The following TRAF5 variants were observed in gnomAD, a reference collection of about 807,000 sequenced individuals.
TRAF5 encodes TNF receptor associated factor 5.
A neutral mutation model predicts 64.5 loss-of-function variants in TRAF5; 48 were observed. That is an observed-to-expected ratio of 0.74 (90% CI 0.59 to 0.95). The LOEUF is 0.95. Ranked by LOEUF, TRAF5 falls within the 40% of genes least tolerant of loss-of-function variation. TRAF5 has a pLI of 0.00. For missense variants in TRAF5, 545 were observed against 662.8 expected (o/e 0.82, Z 1.95); for synonymous variants, 206 against 240.5 (o/e 0.86, Z 1.33).
chr1:211,353,915 G>A (rs1702876388), intron 2 of TRAF5, among the ~76,000 whole-genome samples: 1 of 152,206 alleles, frequency 6.6e-6, no homozygotes, highest in African/African-American at 2.4e-5. Context: ...GGAGAGATGT[G>A]GAAGCAGGTA....
chr1:211,365,294 C>T, intron 7 of TRAF5, 82 bp from the exon 8 acceptor site: 8 of 1,181,648 alleles, frequency 6.8e-6, no homozygotes, highest in Non-Finnish European at 9.7e-6. Context: ...TGTTAAGATT[C>T]TATTTTAGCA....
intron 6 of TRAF5, 39 bp from the exon 7 acceptor site, chr1:211,361,049 G>A: frequency 6.3e-7 from 1 of 1,598,524 alleles, no homozygotes; most frequent in Non-Finnish European, 8.6e-7. Context: ...TGGAGAATAA[G>A]TGATGAATTT....
rs1703613479 is a variant in TRAF5, at chr1:211,373,851, G to C, written c.*1149G>C. 6.6e-6 allele frequency: 1 copy of C among 152,250 alleles called. No homozygotes were observed. The highest frequency in any genetic ancestry group is 2.1e-4 in the South Asian group (1 of 4,830). The allele number at this position is 152,250 out of a possible 1,614,324, so 9.4% of individuals were successfully genotyped here. Reference sequence around the variant, plus strand: ...GAATTCAAGTGATTCTCCTGCCTCAGCCTCCTGAGTAGCTGGGATTACAGG... The same window carrying C: ...GAATTCAAGTGATTCTCCTGCCTCACCCTCCTGAGTAGCTGGGATTACAGG... On this transcript the variant is annotated 3_prime_UTR_variant, in exon 11 of 11. Coordinates refer to ENST00000261464, the MANE Select transcript of TRAF5 (RefSeq NM_001033910.3).
Position 211,359,969 on chromosome 1 carries a change from G to A in TRAF5, c.436G>A (p.Glu146Lys). 2.5e-6 allele frequency: 4 copies of A among 1,614,038 alleles called. No homozygotes were observed. The highest frequency in any genetic ancestry group is 3.4e-6 in the Non-Finnish European group (4 of 1,179,932). The change falls in exon 5 of 11, where the codon GAG (glutamate) becomes AAG (lysine). Residue 146 changes from glutamate to lysine, a missense_variant. By Grantham distance (56) the Glu-to-Lys change is moderately conservative (BLOSUM62 1). Coordinates refer to ENST00000261464, the MANE Select transcript of TRAF5 (RefSeq NM_001033910.3). ...PVQCSNEKCR[E>K]PVLRKDLKEH... Reference sequence around the variant, plus strand: ...GCAGTGTTCTAATGAGAAGTGCCGGGAGCCAGTCCTACGGAAAGACCTGAA... The same window carrying A: ...GCAGTGTTCTAATGAGAAGTGCCGGAAGCCAGTCCTACGGAAAGACCTGAA...
intron 4 of TRAF5, chr1:211,357,224 T>A (rs1176822333): frequency 6.6e-6 from 1 of 152,234 alleles, no homozygotes; most frequent in Non-Finnish European, 1.5e-5. Flanking sequence ...CTGCTGAAAT[T>A]TCTCCCGCAC....
At position 211,353,586 on chromosome 1, in the gene TRAF5, G is replaced by A. The variant is rs991848083; in HGVS notation, c.218+129G>A. The A allele has an allele frequency of 1.4e-4, 127 of 892,006 alleles. 1 individual carries two copies. In the South Asian group the frequency reaches 2.0e-3, roughly 14 times the overall value. The allele number at this position is 892,006 out of a possible 1,614,324, so 55.3% of individuals were successfully genotyped here. On this transcript the variant is annotated intron_variant, in intron 2 of 10. Transcript: ENST00000261464. ...GCCACAGAACCATGACTGTAAGGAAGGACTCTCCCAGATCCCCTCTGTGAG... is the reference window on the plus strand; with the variant it reads ...GCCACAGAACCATGACTGTAAGGAAAGACTCTCCCAGATCCCCTCTGTGAG...
intron 7 of TRAF5, 82 bp downstream of exon 7, chr1:211,361,244 G>C: frequency 8.0e-7 from 1 of 1,248,786 alleles, no homozygotes; most frequent in Non-Finnish European, 1.2e-6. Context: ...CTGTTCCATC[G>C]AGGATGGAGA....
At chr1:211,329,410 C>T (rs1248291585) in intron 1 of TRAF5, among the ~76,000 whole-genome samples, 1 of 152,196 alleles carries the variant, frequency 6.6e-6, no homozygotes, top group Admixed American at 6.5e-5. Context: ...AAGCCCATCT[C>T]ATCTGATTAA....
At chr1:211,370,835 A>C (rs1354987585) in intron 9 of TRAF5, among the ~76,000 whole-genome samples, 2 of 152,200 alleles carry the variant, frequency 1.3e-5, no homozygotes, top group Non-Finnish European at 2.9e-5. Flanking sequence ...AGCAGTCAAA[A>C]GTTTAGGCCG....
chr1:211,326,965 C>T lies in TRAF5; in HGVS notation c.-2+76C>T. The T allele has an allele frequency of 1.0e-6, 1 of 963,542 alleles. No individual in the cohort carries two copies. Among genetic ancestry groups the T allele is most frequent in the Non-Finnish European group, 1.2e-6 (1 of 809,930 alleles). The allele number at this position is 963,542 out of a possible 1,614,324, so 59.7% of individuals were successfully genotyped here. On this transcript the variant is annotated intron_variant, in intron 1 of 10. Transcript: ENST00000261464. The surrounding 1 kb of genome is among the most constrained non-coding windows in gnomAD (Gnocchi z 5.0). ...GGTGGGGACACCGACGAGCGCTTTT[C>T]ATCTCGTCCCAGTTACTTTGAAACC...
At chr1:211,370,388 C>G (rs1217887775) in intron 9 of TRAF5, among the ~76,000 whole-genome samples, 2 of 151,328 alleles carry the variant, frequency 1.3e-5, no homozygotes, top group Non-Finnish European at 2.9e-5. Flanking sequence ...AACACACACA[C>G]ACACACACAC....
chr1:211,331,906 A>G (rs1702166877), intron 1 of TRAF5, among the ~76,000 whole-genome samples: 2 of 152,178 alleles, frequency 1.3e-5, no homozygotes, highest in Admixed American at 1.3e-4. Context: ...ACCTCAGGTG[A>G]TCTGCCTGCC....
In TRAF5 at chr1:211,349,162, T is replaced by TA. The variant is rs547533957; in HGVS notation, c.-1-4076dup. 5.3e-5 allele frequency among the ~76,000 whole-genome samples: 8 copies of TA among 152,170 alleles called. No homozygotes were observed. In the East Asian group the frequency reaches 1.5e-3, roughly 29 times the overall value. ...GTTGGAGGTTACAGTGAGCCATGGT[T>TA]ACACCACTGCACTCCAGCCTGGGCT... On this transcript the variant is annotated intron_variant, in intron 1 of 10. Coordinates refer to ENST00000261464, the MANE Select transcript of TRAF5 (RefSeq NM_001033910.3).
chr1:211,344,443 C>T (rs1702532837), intron 1 of TRAF5, among the ~76,000 whole-genome samples: 1 of 152,214 alleles, frequency 6.6e-6, no homozygotes, highest in Non-Finnish European at 1.5e-5. Flanking sequence ...AGCCAGTCAT[C>T]CTGGGGCAAG....
chr1:211,346,175 C>A (rs1306708676), intron 1 of TRAF5, among the ~76,000 whole-genome samples: 1 of 152,314 alleles, frequency 6.6e-6, no homozygotes, highest in East Asian at 1.9e-4. Flanking sequence ...TCAGCACAGA[C>A]ACCTCAGAAA....
Position 211,360,386 on chromosome 1 carries a change from G to A in TRAF5, c.543+310G>A. 12 of 482,834 alleles carry A rather than the reference G, an allele frequency of 2.5e-5. No individual in the cohort carries two copies. In the South Asian group the frequency reaches 3.1e-4, roughly 13 times the overall value. The allele number at this position is 482,834 out of a possible 1,614,324, so 29.9% of individuals were successfully genotyped here. On this transcript the variant is annotated intron_variant, in intron 5 of 10. Coordinates refer to ENST00000261464, the MANE Select transcript of TRAF5 (RefSeq NM_001033910.3). Reference sequence around the variant, plus strand: ...CTGAATTCTGCAGTGTAGCTGGGGAGGCAGGATGCAGGCATAAAAAGAAAG... The same window carrying A: ...CTGAATTCTGCAGTGTAGCTGGGGAAGCAGGATGCAGGCATAAAAAGAAAG...
At chr1:211,356,768 C>A (rs1702982904) in intron 4 of TRAF5, 1 of 236,630 alleles carries the variant, frequency 4.2e-6, no homozygotes, top group Non-Finnish European at 8.3e-6. Flanking sequence ...CTGGACAAAA[C>A]AAACACTCAA....
chr1:211,369,778 C>T (rs1376113765), intron 9 of TRAF5, among the ~76,000 whole-genome samples, 186 bp downstream of exon 9: 1 of 152,164 alleles, frequency 6.6e-6, no homozygotes, highest in African/African-American at 2.4e-5. Flanking sequence ...GTCCCGTTTG[C>T]TTCATCATTC....
chr1:211,356,750 G>A (rs970672877), intron 4 of TRAF5: 3 of 274,476 alleles, frequency 1.1e-5, no homozygotes, highest in Non-Finnish European at 2.1e-5. Flanking sequence ...GAGAGGGCGT[G>A]GGACATGCTG....
Sources: gnomAD v4.1 joint callset for allele counts (sites outside exome capture counted in the v4.1 genomes callset) on GRCh38, gnomAD v4.1.1 for gene constraint, Gnocchi (gnomAD v3.1) non-coding constraint, MANE v1.5 for transcripts, NCBI Gene and HGNC (gene_info 2026-07-23, HGNC 2026-07-21) for gene names.